The following PKIA variants were observed in gnomAD, a reference collection of about 807,000 sequenced individuals.
PKIA encodes the protein cAMP-dependent protein kinase inhibitor alpha, also known as PKI-alpha.
A neutral mutation model predicts 7.6 loss-of-function variants in PKIA; 4 were observed. The ratio of observed to expected loss-of-function variants is 0.52; its 90% CI spans 0.26 to 1.20. The LOEUF is 1.20. Ranked by LOEUF, PKIA falls within the 50% of genes most tolerant of loss-of-function variation. The pLI is 0.13. For synonymous variants in PKIA, 21 were observed against 30.7 expected (o/e 0.68, Z 1.04); for missense variants, 73 against 86.2 (o/e 0.85, Z 0.61).
intron 1 of PKIA, among the ~76,000 whole-genome samples, chr8:78,521,519 A>C (rs1050582921): frequency 3.3e-5 from 5 of 152,024 alleles, no homozygotes; most frequent in Non-Finnish European, 7.4e-5. Context: ...CTGGAAAAAA[A>C]AACAGAGATG....
chr8:78,553,206 T>C (rs1198683678), intron 1 of PKIA, among the ~76,000 whole-genome samples: 1 of 151,898 alleles, frequency 6.6e-6, no homozygotes, highest in Non-Finnish European at 1.5e-5. Flanking sequence ...CTTCATTTAG[T>C]AATAATGGAA....
At chr8:78,588,783 C>A (rs1411577162) in intron 2 of PKIA, among the ~76,000 whole-genome samples, 1 of 151,856 alleles carries the variant, frequency 6.6e-6, no homozygotes, top group Non-Finnish European at 1.5e-5. Context: ...AAATTAGTAT[C>A]TACCTCTTTT....
intron 2 of PKIA, among the ~76,000 whole-genome samples, chr8:78,591,476 A>C (rs1808092550): frequency 6.6e-6 from 1 of 152,202 alleles, no homozygotes; most frequent in Non-Finnish European, 1.5e-5. Flanking sequence ...TTTGTAGAGC[A>C]GCAATATTGC....
intron 1 of PKIA, among the ~76,000 whole-genome samples, chr8:78,523,914 AT>A: frequency 7.0e-6 from 1 of 142,012 alleles, no homozygotes; most frequent in African/African-American, 2.6e-5. Context: ...TTATACATAT[AT>A]ATTTATATAT....
intron 1 of PKIA, among the ~76,000 whole-genome samples, chr8:78,548,320 A>T (rs1199448810): frequency 6.6e-6 from 1 of 152,176 alleles, no homozygotes; most frequent in Non-Finnish European, 1.5e-5. Context: ...CTCCTAGTGT[A>T]ATTGCATTTA....
chr8:78,589,599 G>T (rs1183462071), intron 2 of PKIA, among the ~76,000 whole-genome samples: 1 of 152,106 alleles, frequency 6.6e-6, no homozygotes, highest in Non-Finnish European at 1.5e-5. Flanking sequence ...AGCAAGGTGG[G>T]GGTGGGCAGG....
At chr8:78,562,424 C>T (rs973294752) in intron 1 of PKIA, among the ~76,000 whole-genome samples, 3 of 152,144 alleles carry the variant, frequency 2.0e-5, no homozygotes, top group African/African-American at 4.8e-5. Flanking sequence ...CTGCTTAAAA[C>T]TTCTAATGGT....
chr8:78,569,915 C>G (rs770507308), intron 1 of PKIA, among the ~76,000 whole-genome samples: 3 of 152,032 alleles, frequency 2.0e-5, no homozygotes, highest in Non-Finnish European at 4.4e-5. Flanking sequence ...AGCATAGGAT[C>G]AGTGACCTCA....
At chr8:78,598,960 A>C (rs1043960122) in intron 3 of PKIA, among the ~76,000 whole-genome samples, 4 of 152,124 alleles carry the variant, frequency 2.6e-5, no homozygotes, top group Non-Finnish European at 5.9e-5. Flanking sequence ...TTCTAAGAAC[A>C]ATTTTAGTAA....
chr8:78,535,700 A>G (rs532408272), intron 1 of PKIA: 1 of 152,264 alleles, frequency 6.6e-6, no homozygotes, highest in African/African-American at 2.4e-5. Flanking sequence ...GGGGTTCTGC[A>G]TCCATGGATT....
chr8:78,539,784 A>G (rs1306317916), intron 1 of PKIA, among the ~76,000 whole-genome samples: 5 of 152,062 alleles, frequency 3.3e-5, no homozygotes, highest in Non-Finnish European at 7.4e-5. Flanking sequence ...TACATGTAAT[A>G]TAATTATATG....
chr8:78,574,346 CAT>C (rs367745626), intron 2 of PKIA, among the ~76,000 whole-genome samples: 15 of 151,882 alleles, frequency 9.9e-5, no homozygotes, highest in African/African-American at 3.4e-4. Flanking sequence ...TACTGTAAAA[CAT>C]ATTTGTTAAA....
chr8:78,555,012 CTA>C (rs959669949), intron 1 of PKIA, among the ~76,000 whole-genome samples: 6 of 151,988 alleles, frequency 3.9e-5, no homozygotes, highest in African/African-American at 1.4e-4. Context: ...ATGACTGAGT[CTA>C]TGGCAATCTG....
chr8:78,560,550 A>T (rs1245961803), intron 1 of PKIA, among the ~76,000 whole-genome samples: 1 of 152,214 alleles, frequency 6.6e-6, no homozygotes. Flanking sequence ...ACATATGAAC[A>T]TTAATAACTA....
At chr8:78,518,029 A>C (rs934126696) in intron 1 of PKIA, among the ~76,000 whole-genome samples, 2 of 152,210 alleles carry the variant, frequency 1.3e-5, no homozygotes, top group Non-Finnish European at 2.9e-5. Context: ...TTCCTCTTCA[A>C]ATATTATTTT....
In PKIA at chr8:78,540,514, A is replaced by G. The variant is rs575631818; in HGVS notation, c.-157+24046A>G. 3.9e-5 allele frequency among the ~76,000 whole-genome samples: 6 copies of G among 152,172 alleles called. No homozygotes were observed. In the East Asian group the frequency reaches 1.2e-3, roughly 29 times the overall value. On this transcript the variant is annotated intron_variant, in intron 1 of 3. Coordinates refer to ENST00000396418, the MANE Select transcript of PKIA (RefSeq NM_006823.4). ...ATGGGAGAGGCTGTGACATACTGGG[A>G]ATAGATTGTGCTCTTCCTAAAAGGA... is the stretch of plus-strand genomic sequence containing the variant.
intron 1 of PKIA, among the ~76,000 whole-genome samples, chr8:78,545,148 A>G (rs1806789817): frequency 6.6e-6 from 1 of 152,170 alleles, no homozygotes; most frequent in Non-Finnish European, 1.5e-5. Flanking sequence ...AATACCTATA[A>G]TAGGGTGCTC....
At chr8:78,562,032 C>T (rs542786705) in intron 1 of PKIA, among the ~76,000 whole-genome samples, 11 of 152,278 alleles carry the variant, frequency 7.2e-5, no homozygotes, top group African/African-American at 2.4e-4. Context: ...ACTTCTCCCA[C>T]TGAAAGGGAG....
At position 78,589,275 on chromosome 8, in the gene PKIA, C is replaced by CA. The variant is rs563212129; in HGVS notation, c.-27-9075dup. ...ATACAAATAAAATTTAAAGAGCATA[C>CA]AAAAAAAAGAAAGAAAGAAATTGTT... is the stretch of plus-strand genomic sequence containing the variant. On this transcript the variant is annotated intron_variant, in intron 2 of 3. Transcript: ENST00000396418. Among the ~76,000 whole-genome samples, 393 of 151,046 alleles carry CA rather than the reference C, an allele frequency of 2.6e-3. 3 individuals are homozygous for CA. Among genetic ancestry groups the CA allele is most frequent in the Non-Finnish European group, 3.4e-3 (227 of 67,672 alleles).
Sources: gnomAD v4.1 joint callset for allele counts (sites outside exome capture counted in the v4.1 genomes callset) on GRCh38, gnomAD v4.1.1 for gene constraint, MANE v1.5 for transcripts, NCBI Gene and HGNC (gene_info 2026-07-23, HGNC 2026-07-21) for gene names.